SULF1: variants seen among roughly 807,000 people sequenced by gnomAD.
The protein encoded by SULF1 is sulfatase 1.
A neutral mutation model predicts 110.5 loss-of-function variants in SULF1; 46 were observed. That is an observed-to-expected ratio of 0.42 (90% confidence interval 0.33 to 0.53). The LOEUF (loss-of-function observed/expected upper bound fraction) is 0.53, where lower values mean the gene tolerates loss of function less well. Ranked by LOEUF, SULF1 falls within the 20% of genes least tolerant of loss-of-function variation. SULF1 has a pLI of 0.12. For synonymous variants in SULF1, 371 were observed against 387.1 expected (o/e 0.96, Z 0.49); for missense variants, 941 against 1,094.2 (o/e 0.86, Z 1.98).
At chr8:69,569,676 T>C (rs1366920158) in intron 5 of SULF1, among the ~76,000 whole-genome samples, 2 of 152,242 alleles carry the variant, frequency 1.3e-5, no homozygotes, top group Admixed American at 1.3e-4. Context: ...TTCACTTGCC[T>C]ACCTTATCTA....
At chr8:69,634,566 C>G (rs1194374487) in intron 19 of SULF1, among the ~76,000 whole-genome samples, 1 of 152,050 alleles carries the variant, frequency 6.6e-6, no homozygotes, top group Non-Finnish European at 1.5e-5. Context: ...CCCAGGAGTT[C>G]AAGACCAGCC....
intron 19 of SULF1, among the ~76,000 whole-genome samples, chr8:69,633,365 G>A (rs930543462): frequency 4.5e-5 from 6 of 134,232 alleles, no homozygotes; most frequent in Non-Finnish European, 9.4e-5. Context: ...TTTCGCTCTT[G>A]TTGCCCAGGC....
chr8:69,650,954 G>A (rs1812287757), intron 22 of SULF1, among the ~76,000 whole-genome samples: 1 of 151,904 alleles, frequency 6.6e-6, no homozygotes, highest in Non-Finnish European at 1.5e-5. Flanking sequence ...GGTCTGAGGT[G>A]TATAAAATTG....
intron 19 of SULF1, among the ~76,000 whole-genome samples, chr8:69,635,802 C>T (rs748282508): frequency 9.9e-5 from 15 of 151,122 alleles, no homozygotes; most frequent in Non-Finnish European, 1.6e-4. Context: ...CCTGGGAGGT[C>T]AAAGCTGCAG....
At chr8:69,628,034 G>A (rs1810231911) in intron 17 of SULF1, 137 bp from the exon 18 acceptor site, 1 of 914,738 alleles carries the variant, frequency 1.1e-6, no homozygotes, top group South Asian at 1.6e-5. Context: ...TAAGCAGAAA[G>A]TAAAAAGTCA....
intron 3 of SULF1, among the ~76,000 whole-genome samples, chr8:69,503,780 G>A (rs137946933): frequency 1.8e-4 from 27 of 152,082 alleles, no homozygotes; most frequent in African/African-American, 6.3e-4. Context: ...CTATGAAGAA[G>A]CCACTTTTCT....
chr8:69,644,752 C>T (rs939566327), intron 22 of SULF1, among the ~76,000 whole-genome samples: 10 of 127,668 alleles, frequency 7.8e-5, no homozygotes, highest in African/African-American at 2.6e-4. Context: ...CAGAGGGAGA[C>T]GCCGTCTCAA....
intron 3 of SULF1, among the ~76,000 whole-genome samples, chr8:69,539,149 A>G (rs535816815): frequency 1.3e-5 from 2 of 152,268 alleles, no homozygotes; most frequent in Admixed American, 1.3e-4. Flanking sequence ...CGACCTGCTG[A>G]TAGGCTGAGG....
At chr8:69,547,815 A>G (rs929356096) in intron 3 of SULF1, among the ~76,000 whole-genome samples, 11 of 152,208 alleles carry the variant, frequency 7.2e-5, no homozygotes, top group African/African-American at 2.4e-4. Flanking sequence ...CAGGTGCTCA[A>G]CAAAGGGTTG....
intron 1 of SULF1, among the ~76,000 whole-genome samples, chr8:69,479,556 TTTG>T (rs748328206): frequency 2.8e-4 from 43 of 152,196 alleles, no homozygotes; most frequent in Non-Finnish European, 4.9e-4. Context: ...CTGAATCTTA[TTTG>T]TTGTTGTTGC....
chr8:69,600,196 T>A (rs1429601529), intron 8 of SULF1, among the ~76,000 whole-genome samples: 1 of 152,222 alleles, frequency 6.6e-6, no homozygotes, highest in East Asian at 1.9e-4. Flanking sequence ...TGTGACTACA[T>A]TTAATAGCCT....
rs376417803 is a variant in SULF1 at position 69,516,845 on chromosome 8, T to C, written c.-134+14877T>C. Among the ~76,000 whole-genome samples the C allele has an allele frequency of 9.9e-4, 151 of 152,288 alleles. No homozygotes were observed. In the South Asian group the frequency reaches 0.01, roughly 10 times the overall value. On this transcript the variant is annotated intron_variant, in intron 3 of 22. Coordinates refer to ENST00000402687, the MANE Select transcript of SULF1 (RefSeq NM_001128205.2). The stretch of plus-strand genomic sequence containing the variant: ...ATATTATCATTGATATTATATGTTT[T>C]ACAGATACATTAAAAAACAAATACC...
chr8:69,525,912 G>A (rs981567944), intron 3 of SULF1, among the ~76,000 whole-genome samples: 3 of 152,182 alleles, frequency 2.0e-5, no homozygotes, highest in African/African-American at 7.2e-5. Flanking sequence ...GAGGTTGTTG[G>A]AGGAGGGATG....
In SULF1 at chr8:69,642,099, A is replaced by C. The variant is rs1054605281; in HGVS notation, c.2585+1258A>C. 3 of 478,282 alleles carry C rather than the reference A, an allele frequency of 6.3e-6. No individual in the cohort carries two copies. In the Admixed American group the frequency reaches 1.9e-4, roughly 31 times the overall value. 29.6% of individuals were successfully genotyped at this position (478,282 alleles called of 1,614,324 possible). On this transcript the variant is annotated intron_variant, in intron 22 of 22. Transcript: ENST00000402687. ...TCCACTTGGGAGAAAAACATCCGTC[A>C]AAGAAATGTGAACTTAATTGGTGCC... is the stretch of plus-strand genomic sequence containing the variant.
chr8:69,654,540 G>A (rs983407986), intron 22 of SULF1, among the ~76,000 whole-genome samples: 4 of 152,178 alleles, frequency 2.6e-5, no homozygotes, highest in African/African-American at 4.8e-5. Flanking sequence ...TTCTGACATC[G>A]TTTTAAAGTA....
intron 10 of SULF1, among the ~76,000 whole-genome samples, chr8:69,602,066 G>T (rs1586520899): frequency 6.6e-6 from 1 of 152,148 alleles, no homozygotes. Flanking sequence ...CTCTCAAATT[G>T]ACTGGAATCT....
chr8:69,561,092 T>C (rs989043418), intron 3 of SULF1, among the ~76,000 whole-genome samples: 3 of 152,190 alleles, frequency 2.0e-5, no homozygotes, highest in East Asian at 3.8e-4. Context: ...ATTAATTGTA[T>C]GTTTCAAAAA....
At chr8:69,596,551 C>T (rs1807346258) in intron 8 of SULF1, among the ~76,000 whole-genome samples, 2 of 152,064 alleles carry the variant, frequency 1.3e-5, no homozygotes, top group Admixed American at 1.3e-4. Context: ...AGGATGAAAG[C>T]TAAGATTTTA....
At position 69,638,889 on chromosome 8, in the gene SULF1, T is replaced by C. The variant is rs1477339196; in HGVS notation, c.2551+31T>C. ...GAAAAAAATACTATTTTTTCTATTT[T>C]ACCTGGAAAATTCTTTGTGTTACTG... On this transcript the variant is annotated intron_variant, in intron 21 of 22. Coordinates refer to ENST00000402687, the MANE Select transcript of SULF1 (RefSeq NM_001128205.2). The C allele has an allele frequency of 1.9e-6, 3 of 1,589,230 alleles. No homozygotes were observed. In the East Asian group the frequency reaches 6.7e-5, roughly 36 times the overall value.
Sources: allele counts gnomAD v4.1 joint callset (sites outside exome capture counted in the v4.1 genomes callset), GRCh38; gene constraint gnomAD v4.1.1; transcripts MANE v1.5; gene names NCBI Gene and HGNC (gene_info 2026-07-23, HGNC 2026-07-21).